The following ERICH6B variants were observed in gnomAD, a reference collection of about 807,000 sequenced individuals.
The protein encoded by ERICH6B is glutamate rich 6B.
A neutral mutation model predicts 80.0 loss-of-function variants in ERICH6B; 69 were observed. The observed-to-expected ratio is 0.86, with a 90% CI of 0.71 to 1.05. The LOEUF is 1.05. Ranked by LOEUF, ERICH6B falls within the 50% of genes least tolerant of loss-of-function variation. The pLI is 0.00. For synonymous variants in ERICH6B, 283 were observed against 291.9 expected, an observed-to-expected ratio of 0.97 and a Z score of 0.31; for missense variants, 754 against 796.1, an observed-to-expected ratio of 0.95 and a Z score of 0.64.
At chr13:45,595,497 GTATGTGTATATA>G (rs906003999) in intron 3 of ERICH6B, among the ~76,000 whole-genome samples, 6 of 151,864 alleles carry the variant, frequency 4.0e-5, no homozygotes, top group African/African-American at 1.2e-4. Context: ...AGGTGTGTGT[GTATGTGTATATA>G]TATGTGTATA....
chr13:45,612,599 T>C (rs1038773655), intron 1 of ERICH6B, among the ~76,000 whole-genome samples: 1 of 152,158 alleles, frequency 6.6e-6, no homozygotes, highest in Non-Finnish European at 1.5e-5. Context: ...AGCTTATTTA[T>C]GGAAGGAGCC....
In ERICH6B at chr13:45,541,448, A is replaced by G. The variant is rs1873767632; in HGVS notation, c.*14T>C. The G allele has an allele frequency of 6.5e-7, 1 of 1,549,834 alleles. No individual in the cohort carries two copies. Among genetic ancestry groups the G allele is most frequent in the Non-Finnish European group, 8.7e-7 (1 of 1,145,360 alleles). On this transcript the variant is annotated 3_prime_UTR_variant, in exon 15 of 15. Transcript: ENST00000298738. ...CTTCCTAAGGCATTTGGTGGATGCC[A>G]GATAAGCCCCGCCTTAAAACCAGAG...
chr13:45,556,127 T>C (rs1346142996), intron 11 of ERICH6B, among the ~76,000 whole-genome samples: 1 of 151,756 alleles, frequency 6.6e-6, no homozygotes, highest in Admixed American at 6.6e-5. Flanking sequence ...CCTCTGCTGC[T>C]GTTTCCTCGT....
chr13:45,611,270 C>T lies in ERICH6B; in HGVS notation c.-110-3655G>A, dbSNP rs182096106. On this transcript the variant is annotated intron_variant, in intron 1 of 14. Transcript: ENST00000298738. ...AATCCAGGAAGAGTGCACAGTAAAG[C>T]GGCAGTAGGAACAGGTGTCGAATTA... Among the ~76,000 whole-genome samples the T allele has an allele frequency of 1.3e-3, 202 of 152,282 alleles. 2 individuals carry two copies. The highest frequency in any genetic ancestry group is 0.012 in the South Asian group (59 of 4,824).
At chr13:45,597,170 C>T (rs1876434062) in intron 2 of ERICH6B, 107 bp from the exon 3 acceptor site, 1 of 778,096 alleles carries the variant, frequency 1.3e-6, no homozygotes, top group Non-Finnish European at 2.0e-6. Flanking sequence ...TTGGAGGGCT[C>T]TTTAAGTATG....
At chr13:45,545,624 A>G (rs1873962878) in intron 13 of ERICH6B, among the ~76,000 whole-genome samples, 1 of 152,204 alleles carries the variant, frequency 6.6e-6, no homozygotes, top group Non-Finnish European at 1.5e-5. Flanking sequence ...TTTACAAAAG[A>G]GAATAGGAGG....
At chr13:45,575,226 T>A (rs1185399182) in intron 7 of ERICH6B, among the ~76,000 whole-genome samples, 1 of 152,180 alleles carries the variant, frequency 6.6e-6, no homozygotes, top group Non-Finnish European at 1.5e-5. Context: ...GAATGAGTCC[T>A]GAGTGAAGTA....
At chr13:45,582,878 A>G (rs576321800) in intron 5 of ERICH6B, among the ~76,000 whole-genome samples, 4 of 152,168 alleles carry the variant, frequency 2.6e-5, no homozygotes, top group Non-Finnish European at 4.4e-5. Flanking sequence ...GTGACCTAAA[A>G]GCCAGTATTA....
chr13:45,566,587 G>T (rs1874924415), intron 9 of ERICH6B, among the ~76,000 whole-genome samples: 1 of 152,260 alleles, frequency 6.6e-6, no homozygotes, highest in South Asian at 2.1e-4. Context: ...TAAACCCCAA[G>T]CCTTGGCAGC....
chr13:45,572,989 G>C (rs937916139), intron 8 of ERICH6B, among the ~76,000 whole-genome samples: 3 of 152,134 alleles, frequency 2.0e-5, no homozygotes, highest in Non-Finnish European at 2.9e-5. Flanking sequence ...TGCCCTCTCG[G>C]TGGGAATAGG....
intron 5 of ERICH6B, among the ~76,000 whole-genome samples, chr13:45,586,338 C>T (rs1467465926): frequency 2.0e-5 from 3 of 152,138 alleles, no homozygotes; most frequent in Non-Finnish European, 4.4e-5. Context: ...TTACTGCTGC[C>T]ATGACTACAG....
chr13:45,582,425 C>T (rs1423401812), intron 5 of ERICH6B, among the ~76,000 whole-genome samples: 1 of 152,238 alleles, frequency 6.6e-6, no homozygotes, highest in Non-Finnish European at 1.5e-5. Context: ...TGCACTTCTC[C>T]AGCCTGCTGT....
chr13:45,587,766 A>G (rs924973721), intron 4 of ERICH6B, among the ~76,000 whole-genome samples: 1 of 152,198 alleles, frequency 6.6e-6, no homozygotes, highest in Non-Finnish European at 1.5e-5. Flanking sequence ...GCTTAGGATC[A>G]AGAGGGATGA....
rs116183569 is a variant in ERICH6B at position 45,552,497 on chromosome 13, C to T, written c.1408-2181G>A. Among the ~76,000 whole-genome samples the T allele has an allele frequency of 2.7e-3, 400 of 150,596 alleles. 1 individual carries two copies. The highest frequency in any genetic ancestry group is 9.1e-3 in the African/African-American group (374 of 40,878). ...GCTTCTTATGTTTTATTTCAATTCC[C>T]AGGTGTTTGCAGCAGGAAGGCTTTG... On this transcript the variant is annotated intron_variant, in intron 11 of 14. Transcript: ENST00000298738.
At chr13:45,577,177 T>C (rs1000144784) in intron 7 of ERICH6B, among the ~76,000 whole-genome samples, 5 of 151,940 alleles carry the variant, frequency 3.3e-5, no homozygotes, top group Admixed American at 3.3e-4. Context: ...AGACTCATCC[T>C]GAGGGTGGCT....
In ERICH6B at chr13:45,544,905, A is replaced by G; in HGVS notation, c.1727T>C (p.Ile576Thr). ...QKAWNWWNLNIHVHAPPVQPI... is the reference protein window; with the variant it reads ...QKAWNWWNLNTHVHAPPVQPI... ...CTGGACAGGGGGTGCGTGGACATGG[A>G]TGTTCAGATTCCACCAGTTCCAGGC... is the stretch of plus-strand genomic sequence containing the variant. Residue 576 changes from isoleucine to threonine, a missense_variant, in exon 14 of 15, where the codon ATC (isoleucine) becomes ACC (threonine). By Grantham distance (89) the Ile-to-Thr change is moderately conservative (BLOSUM62 -1). Coordinates refer to ENST00000298738, the MANE Select transcript of ERICH6B (RefSeq NM_182542.3). 1 of 1,551,698 alleles carries G rather than the reference A, an allele frequency of 6.4e-7. No homozygotes were observed. The highest frequency in any genetic ancestry group is 1.2e-5 in the South Asian group (1 of 84,060).
intron 11 of ERICH6B, among the ~76,000 whole-genome samples, chr13:45,553,600 A>G (rs1322112499): frequency 6.6e-6 from 1 of 152,158 alleles, no homozygotes; most frequent in African/African-American, 2.4e-5. Context: ...ATTCCACAGC[A>G]TACTGACCTT....
chr13:45,571,280 G>A (rs890131322), intron 8 of ERICH6B, among the ~76,000 whole-genome samples: 5 of 152,040 alleles, frequency 3.3e-5, no homozygotes, highest in South Asian at 2.1e-4. Context: ...ACTAGTTTTC[G>A]TAAGTGACTA....
intron 1 of ERICH6B, among the ~76,000 whole-genome samples, chr13:45,609,646 A>G (rs1207161703): frequency 6.6e-6 from 1 of 152,244 alleles, no homozygotes. Context: ...AAAATTAGTA[A>G]CTGAGTGATT....
Sources: gnomAD v4.1 joint callset for allele counts (sites outside exome capture counted in the v4.1 genomes callset) on GRCh38, gnomAD v4.1.1 for gene constraint, MANE v1.5 for transcripts, NCBI Gene and HGNC (gene_info 2026-07-23, HGNC 2026-07-21) for gene names.